The following KALRN variants were observed in gnomAD, a reference collection of about 807,000 sequenced individuals.
KALRN encodes kalirin.
KALRN carries 70 observed loss-of-function variants against 353.7 expected under a neutral mutation model. The ratio of observed to expected loss-of-function variants is 0.20; its 90% CI spans 0.16 to 0.24. The LOEUF is 0.24. KALRN is among the 10% of genes least tolerant of loss of function. The pLI, the probability that KALRN is intolerant of heterozygous loss-of-function variation, is 1.00. For synonymous variants in KALRN, 1,391 were observed against 1,434.8 expected (o/e 0.97, Z 0.69); for missense variants, 2,791 against 3,756.7 (o/e 0.74, Z 6.72).
chr3:124,282,027 G>A (rs1315186553), intron 5 of KALRN, among the ~76,000 whole-genome samples: 1 of 152,176 alleles, frequency 6.6e-6, no homozygotes, highest in East Asian at 1.9e-4. Context: ...TTGGAGGCAA[G>A]AAACTGGTTC....
At chr3:124,518,009 A>G (rs372697081) in intron 33 of KALRN, among the ~76,000 whole-genome samples, 52 of 152,348 alleles carry the variant, frequency 3.4e-4, no homozygotes, top group East Asian at 1.5e-3. Context: ...CCCCATTTCT[A>G]TTATTCCTGA....
At chr3:124,676,324 T>C (rs1046365905) in intron 49 of KALRN, among the ~76,000 whole-genome samples, 1 of 152,098 alleles carries the variant, frequency 6.6e-6, no homozygotes, top group Non-Finnish European at 1.5e-5. Context: ...AGCAGTGGAC[T>C]GAAAAAGGTT....
chr3:124,296,334 A>G (rs946929440), intron 5 of KALRN, among the ~76,000 whole-genome samples: 1 of 152,134 alleles, frequency 6.6e-6, no homozygotes, highest in Non-Finnish European at 1.5e-5. Context: ...TTTTATTACC[A>G]GGACTCAGGT....
chr3:124,338,845 G>GA (rs1244413873), intron 9 of KALRN, among the ~76,000 whole-genome samples: 7 of 151,784 alleles, frequency 4.6e-5, no homozygotes, highest in African/African-American at 7.2e-5. Flanking sequence ...ACCCAAAATG[G>GA]AAAAAAAATC....
At chr3:124,351,224 T>C (rs1350009706) in intron 10 of KALRN, among the ~76,000 whole-genome samples, 1 of 152,184 alleles carries the variant, frequency 6.6e-6, no homozygotes, top group Non-Finnish European at 1.5e-5. Context: ...TGAAAAGTTC[T>C]CGAGTAAGAA....
At chr3:124,609,627 G>A (rs2077711070) in intron 34 of KALRN, among the ~76,000 whole-genome samples, 1 of 152,200 alleles carries the variant, frequency 6.6e-6, no homozygotes, top group Non-Finnish European at 1.5e-5. Context: ...AAATGAGAGT[G>A]AATCCATTCC....
chr3:124,197,397 T>A (rs2075551629), intron 1 of KALRN, among the ~76,000 whole-genome samples: 1 of 152,234 alleles, frequency 6.6e-6, no homozygotes, highest in South Asian at 2.1e-4. Context: ...GTGTGCTACT[T>A]ATAAACAAAC....
At chr3:124,165,518 C>T (rs963573542) in intron 1 of KALRN, among the ~76,000 whole-genome samples, 3 of 152,184 alleles carry the variant, frequency 2.0e-5, no homozygotes, top group Admixed American at 1.3e-4. Context: ...ATAGCAACCA[C>T]ATGTGGTCCC....
At chr3:124,294,542 T>TTTTTTTTTA in intron 5 of KALRN, among the ~76,000 whole-genome samples, 2 of 141,748 alleles carry the variant, frequency 1.4e-5, no homozygotes, top group Non-Finnish European at 3.1e-5. Context: ...TTTTTTTTTT[T>TTTTTTTTTA]GAGATGGAGT....
intron 33 of KALRN, among the ~76,000 whole-genome samples, chr3:124,540,366 A>C (rs1168110595): frequency 6.6e-6 from 1 of 152,190 alleles, no homozygotes; most frequent in Non-Finnish European, 1.5e-5. Context: ...TATATAAAGC[A>C]GTTTATGGAG....
intron 10 of KALRN, among the ~76,000 whole-genome samples, chr3:124,380,080 C>T (rs921652484): frequency 3.3e-5 from 5 of 152,124 alleles, no homozygotes; most frequent in African/African-American, 7.2e-5. Context: ...GACTTTCAGG[C>T]CTCATCCTCC....
chr3:124,512,705 A>C (rs2066069649), intron 33 of KALRN, among the ~76,000 whole-genome samples: 1 of 151,808 alleles, frequency 6.6e-6, no homozygotes. Flanking sequence ...TGAAGGGGGA[A>C]TATGTATGTG....
chr3:124,330,122 T>A, intron 8 of KALRN, 130 bp downstream of exon 8: 1 of 1,017,432 alleles, frequency 9.8e-7, no homozygotes, highest in Non-Finnish European at 1.4e-6. Context: ...TTCTTTTTTT[T>A]TGGTGACATC....
chr3:124,252,164 T>C (rs1418644044), intron 3 of KALRN, among the ~76,000 whole-genome samples: 2 of 152,152 alleles, frequency 1.3e-5, no homozygotes, highest in Non-Finnish European at 2.9e-5. Flanking sequence ...TCAGTGGTAC[T>C]TAACCATGGC....
rs76427805 is a variant in KALRN at position 124,650,794 on chromosome 3, T to A, written c.5665-14T>A. The A allele has an allele frequency of 1.4e-6, 2 of 1,465,088 alleles. No individual in the cohort carries two copies. Among genetic ancestry groups the A allele is most frequent in the East Asian group, 2.5e-5 (1 of 39,524 alleles). The allele number at this position is 1,465,088 out of a possible 1,614,324, so 90.8% of individuals were successfully genotyped here. A position where few individuals can be genotyped will look rare whatever the true frequency, so the allele number is the denominator to read the frequency against. On this transcript the variant is annotated splice_polypyrimidine_tract_variant and intron_variant, in intron 37 of 59. Coordinates refer to ENST00000682506, the MANE Select transcript of KALRN (RefSeq NM_001388419.1). ...AAAGTACACTTCTCTAAGCCTGTTT[T>A]TCTCTCTTTTCAGAGTCTAGAAGGA... is the stretch of plus-strand genomic sequence containing the variant.
intron 1 of KALRN, among the ~76,000 whole-genome samples, chr3:124,043,182 T>A (rs1289214430): frequency 6.6e-6 from 1 of 151,798 alleles, no homozygotes; most frequent in Non-Finnish European, 1.5e-5. Flanking sequence ...GTATGGGAGG[T>A]GGAATTCAAA....
Position 124,392,058 on chromosome 3 carries a change from CT to C in KALRN, c.1963-3067del, listed in dbSNP as rs982552387. Among the ~76,000 whole-genome samples the C allele has an allele frequency of 6.1e-4, 90 of 148,680 alleles. 2 individuals are homozygous for C. Among genetic ancestry groups the C allele is most frequent in the Admixed American group, 1.1e-3 (17 of 14,906 alleles). ...CAAAAATATCTTTTTTTTCCTTTTT[CT>C]TTTTTTTTTGAGACAGAGTCTTGCT... On this transcript the variant is annotated intron_variant, in intron 11 of 59. Coordinates refer to ENST00000682506, the MANE Select transcript of KALRN (RefSeq NM_001388419.1).
At chr3:124,691,151 G>A (rs545947173) in intron 51 of KALRN, among the ~76,000 whole-genome samples, 4 of 152,238 alleles carry the variant, frequency 2.6e-5, no homozygotes, top group South Asian at 2.1e-4. Context: ...AAGTGAGTCC[G>A]GGCGTGGTGG....
chr3:124,388,824 T>C (rs995551283), intron 11 of KALRN, among the ~76,000 whole-genome samples: 1 of 152,202 alleles, frequency 6.6e-6, no homozygotes, highest in Non-Finnish European at 1.5e-5. Flanking sequence ...GGTTTGGTTT[T>C]TCCATACTCT....
Sources: gnomAD v4.1 joint callset for allele counts (sites outside exome capture counted in the v4.1 genomes callset) on GRCh38, gnomAD v4.1.1 for gene constraint, MANE v1.5 for transcripts, NCBI Gene and HGNC (gene_info 2026-07-23, HGNC 2026-07-21) for gene names.